BMPR1B: variants seen among roughly 807,000 people sequenced by gnomAD.
BMPR1B encodes bone morphogenetic protein receptor type 1B.
BMPR1B carries 12 observed loss-of-function variants against 59.1 expected under a neutral mutation model. That is an observed-to-expected ratio of 0.20 (90% CI 0.13 to 0.33). The LOEUF is 0.33. Ranked by LOEUF, BMPR1B falls within the 10% of genes least tolerant of loss-of-function variation. BMPR1B has a pLI of 1.00. For missense variants in BMPR1B, 550 were observed against 610.9 expected (o/e 0.90, Z 1.05); for synonymous variants, 237 against 207.3 (o/e 1.14, Z -1.23).
intron 1 of BMPR1B, among the ~76,000 whole-genome samples, chr4:94,837,239 T>C (rs369355380): frequency 0.049 from 6,479 of 133,362 alleles, 153 homozygotes; most frequent in Middle Eastern, 0.065. Context: ...CTTGGCGATG[T>C]GGGCTCTTTT....
At chr4:94,926,696 A>G (rs1728901553) in intron 2 of BMPR1B, among the ~76,000 whole-genome samples, 1 of 152,000 alleles carries the variant, frequency 6.6e-6, no homozygotes, top group Non-Finnish European at 1.5e-5. Flanking sequence ...ACAGTGTTAT[A>G]ATGATTTATA....
rs147259800 is a variant in BMPR1B, at chr4:94,787,158, T to G, written c.-183+29090T>G. ...GATGGCAGATGGGTCATCTTGGAGG[T>G]CTTGGACCTTAAAAGACGTACTAAA... On this transcript the variant is annotated intron_variant, in intron 1 of 12. Coordinates refer to ENST00000515059, the MANE Select transcript of BMPR1B (RefSeq NM_001203.3). Among the ~76,000 whole-genome samples the G allele has an allele frequency of 2.2e-4, 33 of 152,020 alleles. 1 individual carries two copies. In the East Asian group the frequency reaches 6.2e-3, roughly 29 times the overall value.
chr4:95,142,696 C>A (rs997374980), intron 10 of BMPR1B, among the ~76,000 whole-genome samples: 1 of 152,104 alleles, frequency 6.6e-6, no homozygotes, highest in African/African-American at 2.4e-5. Context: ...GCAACTCTTT[C>A]CCTGCGCTCG....
intron 12 of BMPR1B, 70 bp downstream of exon 12, chr4:95,152,843 C>A: frequency 6.4e-7 from 1 of 1,562,314 alleles, no homozygotes; most frequent in Non-Finnish European, 8.7e-7. Context: ...GCTAAAATTC[C>A]ACATATTGAT....
intron 1 of BMPR1B, among the ~76,000 whole-genome samples, chr4:94,771,529 A>C (rs1722185868): frequency 6.6e-6 from 1 of 152,228 alleles, no homozygotes; most frequent in Non-Finnish European, 1.5e-5. Flanking sequence ...AGAGCCTTCG[A>C]GATAAAGACT....
intron 3 of BMPR1B, among the ~76,000 whole-genome samples, chr4:95,025,582 C>T (rs1724296259): frequency 6.6e-6 from 1 of 152,150 alleles, no homozygotes; most frequent in Non-Finnish European, 1.5e-5. Flanking sequence ...GCATTTTGCA[C>T]ATGAATTGTT....
At chr4:94,836,306 T>C (rs1342987554) in intron 1 of BMPR1B, among the ~76,000 whole-genome samples, 1 of 151,244 alleles carries the variant, frequency 6.6e-6, no homozygotes, top group Non-Finnish European at 1.5e-5. Context: ...AATGGTATTC[T>C]AGTTCTAGAT....
At position 95,105,747 on chromosome 4, in the gene BMPR1B, A is replaced by G. The variant is rs1168331507; in HGVS notation, c.143+1180A>G. ...ACTCTTGTACTACAAAGTTGTGACC[A>G]CTGAATTTTTTTGCCAAGGTAAAAC... On this transcript the variant is annotated intron_variant, in intron 4 of 12. Coordinates refer to ENST00000515059, the MANE Select transcript of BMPR1B (RefSeq NM_001203.3). 2.0e-5 allele frequency among the ~76,000 whole-genome samples: 3 copies of G among 152,048 alleles called. No homozygotes were observed. In the South Asian group the frequency reaches 6.2e-4, roughly 31 times the overall value.
intron 10 of BMPR1B, among the ~76,000 whole-genome samples, 165 bp from the exon 11 acceptor site, chr4:95,148,583 A>C (rs1240640986): frequency 1.3e-5 from 2 of 152,160 alleles, no homozygotes; most frequent in Admixed American, 6.5e-5. Context: ...GTAAATATTT[A>C]ATATAGCTTT....
At chr4:94,816,360 G>A (rs565205382) in intron 1 of BMPR1B, among the ~76,000 whole-genome samples, 9 of 152,050 alleles carry the variant, frequency 5.9e-5, no homozygotes, top group Non-Finnish European at 1.2e-4. Context: ...TAGAGATGGA[G>A]TTTCACTATG....
chr4:94,812,972 C>T (rs1723875293), intron 1 of BMPR1B, among the ~76,000 whole-genome samples: 1 of 145,860 alleles, frequency 6.9e-6, no homozygotes, highest in African/African-American at 2.6e-5. Context: ...ATTGTGACAA[C>T]ATAAGGTGTT....
At chr4:94,923,264 A>G (rs551033428) in intron 2 of BMPR1B, among the ~76,000 whole-genome samples, 1 of 152,196 alleles carries the variant, frequency 6.6e-6, no homozygotes, top group African/African-American at 2.4e-5. Context: ...GTAGCATAAT[A>G]TTATTCCTAT....
chr4:95,028,161 T>C (rs1210331746), intron 3 of BMPR1B, among the ~76,000 whole-genome samples: 1 of 152,186 alleles, frequency 6.6e-6, no homozygotes, highest in Non-Finnish European at 1.5e-5. Context: ...GTTTTGCTAA[T>C]TGGCATCTCC....
At chr4:94,943,787 T>C (rs971989419) in intron 2 of BMPR1B, among the ~76,000 whole-genome samples, 1 of 152,228 alleles carries the variant, frequency 6.6e-6, no homozygotes, top group Non-Finnish European at 1.5e-5. Context: ...TTAATTGTCC[T>C]GAATTCATTC....
chr4:95,103,141 C>T (rs1730946718), intron 3 of BMPR1B, among the ~76,000 whole-genome samples: 1 of 151,586 alleles, frequency 6.6e-6, no homozygotes, highest in Admixed American at 6.6e-5. Context: ...ATATTGACAA[C>T]ATATTTTATT....
intron 2 of BMPR1B, among the ~76,000 whole-genome samples, chr4:94,884,981 G>C (rs1727115988): frequency 1.3e-5 from 2 of 152,190 alleles, no homozygotes; most frequent in Admixed American, 6.5e-5. Context: ...ACGTGAACAG[G>C]CTCACTTGGT....
intron 2 of BMPR1B, among the ~76,000 whole-genome samples, chr4:94,929,050 G>C (rs11940214): frequency 0.35 from 53,727 of 151,924 alleles, 9,758 homozygotes; most frequent in South Asian, 0.47. Flanking sequence ...ACCACCAAAG[G>C]CAATGCCTCC....
At chr4:95,083,458 A>G in intron 3 of BMPR1B, among the ~76,000 whole-genome samples, 1 of 152,180 alleles carries the variant, frequency 6.6e-6, no homozygotes, top group South Asian at 2.1e-4. Flanking sequence ...TTAGAAGCTC[A>G]AGAGTTAGAA....
chr4:95,150,468 A>C (rs958510883), intron 11 of BMPR1B, among the ~76,000 whole-genome samples: 12 of 151,976 alleles, frequency 7.9e-5, no homozygotes, highest in Admixed American at 4.6e-4. Flanking sequence ...AAAAAAAAAA[A>C]AACAAGTAGA....
Sources: allele counts gnomAD v4.1 joint callset (sites outside exome capture counted in the v4.1 genomes callset), GRCh38; gene constraint gnomAD v4.1.1; transcripts MANE v1.5; gene names NCBI Gene and HGNC (gene_info 2026-07-23, HGNC 2026-07-21).